CDKAL1: variants seen among roughly 807,000 people sequenced by gnomAD.
CDKAL1 encodes CDKAL1 threonylcarbamoyladenosine tRNA methylthiotransferase.
A neutral mutation model predicts 68.2 loss-of-function variants in CDKAL1; 32 were observed. The observed-to-expected ratio is 0.47, with a 90% CI of 0.35 to 0.63. The LOEUF is 0.63. Ranked by LOEUF, CDKAL1 falls within the 30% of genes least tolerant of loss-of-function variation. CDKAL1 has a pLI of 0.00. For missense variants in CDKAL1, 606 were observed against 696.7 expected (o/e 0.87, Z 1.47); for synonymous variants, 234 against 244.3 (o/e 0.96, Z 0.39).
chr6:20,587,267 A>G (rs1381307257), intron 4 of CDKAL1, among the ~76,000 whole-genome samples: 2 of 151,984 alleles, frequency 1.3e-5, no homozygotes, highest in African/African-American at 4.8e-5. Flanking sequence ...GATTACAGGC[A>G]TGAGCTACCA....
At chr6:20,745,733 C>G (rs1773639002) in intron 6 of CDKAL1, among the ~76,000 whole-genome samples, 1 of 151,758 alleles carries the variant, frequency 6.6e-6, no homozygotes, top group Non-Finnish European at 1.5e-5. Flanking sequence ...AAAAAAAAAT[C>G]GCCAAAAAAA....
chr6:20,797,833 T>G (rs1448268866), intron 8 of CDKAL1, among the ~76,000 whole-genome samples: 1 of 150,512 alleles, frequency 6.6e-6, no homozygotes, highest in Non-Finnish European at 1.5e-5. Flanking sequence ...TATTTTTTCT[T>G]GGAGACAGGG....
intron 8 of CDKAL1, among the ~76,000 whole-genome samples, chr6:20,825,791 G>A (rs777870894): frequency 2.0e-5 from 3 of 152,000 alleles, no homozygotes; most frequent in Non-Finnish European, 4.4e-5. Flanking sequence ...TTGATTATTT[G>A]TTGTAACTTA....
intron 6 of CDKAL1, among the ~76,000 whole-genome samples, chr6:20,741,541 C>T (rs146589966): frequency 4.3e-4 from 66 of 152,178 alleles, no homozygotes; most frequent in African/African-American, 1.4e-3. Context: ...ATGTAGCTCC[C>T]ACTTAAAAAT....
At chr6:20,778,869 C>A (rs1339202927) in intron 7 of CDKAL1, among the ~76,000 whole-genome samples, 1 of 152,128 alleles carries the variant, frequency 6.6e-6, no homozygotes, top group African/African-American at 2.4e-5. Flanking sequence ...TTGCTTCACC[C>A]AGTGTACCAA....
chr6:20,805,233 T>C (rs1293161941), intron 8 of CDKAL1, among the ~76,000 whole-genome samples: 1 of 152,174 alleles, frequency 6.6e-6, no homozygotes, highest in East Asian at 1.9e-4. Context: ...TACTAATTGC[T>C]GTACTAAACT....
intron 11 of CDKAL1, among the ~76,000 whole-genome samples, chr6:21,028,689 A>G (rs569970507): frequency 5.9e-5 from 9 of 152,296 alleles, no homozygotes; most frequent in African/African-American, 1.9e-4. Flanking sequence ...GGGCTTCAAC[A>G]TGTAAATCTT....
At chr6:20,976,908 A>G (rs1041529221) in intron 10 of CDKAL1, among the ~76,000 whole-genome samples, 12 of 152,308 alleles carry the variant, frequency 7.9e-5, no homozygotes, top group African/African-American at 2.9e-4. Context: ...CTCCTGTTAA[A>G]TATTAGGTTA....
At chr6:20,597,327 A>G (rs1225792471) in intron 4 of CDKAL1, among the ~76,000 whole-genome samples, 1 of 151,796 alleles carries the variant, frequency 6.6e-6, no homozygotes, top group African/African-American at 2.4e-5. Flanking sequence ...ACGGGGTTTC[A>G]CCGTGTTAGC....
chr6:20,946,770 A>G (rs954842735), intron 9 of CDKAL1, among the ~76,000 whole-genome samples: 26 of 151,468 alleles, frequency 1.7e-4, no homozygotes, highest in African/African-American at 6.3e-4. Context: ...CTAATTTTCT[A>G]TTTTTAGTAG....
intron 9 of CDKAL1, among the ~76,000 whole-genome samples, chr6:20,871,397 A>G (rs2150542870): frequency 6.6e-6 from 1 of 152,324 alleles, no homozygotes; most frequent in East Asian, 1.9e-4. Context: ...GCCACTACAA[A>G]TAGCTATAAC....
chr6:20,650,388 A>G (rs1347397543), intron 5 of CDKAL1, among the ~76,000 whole-genome samples: 1 of 151,944 alleles, frequency 6.6e-6, no homozygotes, highest in Non-Finnish European at 1.5e-5. Flanking sequence ...TGCTTTGCCC[A>G]CTTTTTAATG....
intron 4 of CDKAL1, among the ~76,000 whole-genome samples, chr6:20,564,755 C>T (rs1298446017): frequency 6.6e-6 from 1 of 152,096 alleles, no homozygotes; most frequent in Non-Finnish European, 1.5e-5. Flanking sequence ...AACATGACAG[C>T]CACAAATAAA....
chr6:20,763,373 C>T (rs1165179967), intron 7 of CDKAL1, among the ~76,000 whole-genome samples: 4 of 152,100 alleles, frequency 2.6e-5, no homozygotes, highest in African/African-American at 4.8e-5. Flanking sequence ...CTCAGAGTAC[C>T]GCATTGTCTG....
intron 4 of CDKAL1, among the ~76,000 whole-genome samples, chr6:20,579,088 C>T (rs992498976): frequency 2.0e-5 from 3 of 152,304 alleles, no homozygotes; most frequent in South Asian, 2.1e-4. Context: ...AGCGATTCTC[C>T]TGGCTCAGCC....
intron 11 of CDKAL1, among the ~76,000 whole-genome samples, chr6:21,020,012 CT>C (rs1291391127): frequency 6.6e-6 from 1 of 151,970 alleles, no homozygotes; most frequent in Non-Finnish European, 1.5e-5. Flanking sequence ...CTAAATGATA[CT>C]GTTTAAAAGT....
chr6:20,580,027 T>G (rs549769881), intron 4 of CDKAL1, among the ~76,000 whole-genome samples: 3 of 152,124 alleles, frequency 2.0e-5, no homozygotes, highest in Admixed American at 6.6e-5. Flanking sequence ...AAGGCTGTAT[T>G]TATAGTAGAT....
chr6:20,660,479 A>G (rs1020943184), intron 5 of CDKAL1, among the ~76,000 whole-genome samples: 15 of 152,220 alleles, frequency 9.9e-5, no homozygotes, highest in Admixed American at 2.6e-4. Context: ...AGGACATTCT[A>G]ACTTCCTAAT....
intron 8 of CDKAL1, among the ~76,000 whole-genome samples, chr6:20,843,079 G>C (rs1778239116): frequency 6.6e-6 from 1 of 151,774 alleles, no homozygotes; most frequent in African/African-American, 2.4e-5. Context: ...ATGTGATTTG[G>C]TTTCCACAGT....
Sources: gnomAD v4.1 joint callset for allele counts (sites outside exome capture counted in the v4.1 genomes callset) on GRCh38, gnomAD v4.1.1 for gene constraint, MANE v1.5 for transcripts, NCBI Gene and HGNC (gene_info 2026-07-23, HGNC 2026-07-21) for gene names.